LEPR: variants seen among roughly 807,000 people sequenced by gnomAD.
LEPR encodes the protein leptin receptor.
LEPR carries 56 observed loss-of-function variants against 114.7 expected under a neutral mutation model. That is an observed-to-expected ratio of 0.49 (90% CI 0.39 to 0.61). The LOEUF (loss-of-function observed/expected upper bound fraction) is 0.61. Among genes scored for constraint, LEPR ranks in the 20% least tolerant of loss-of-function variants. LEPR has a pLI of 0.00. For synonymous variants in LEPR, 443 were observed against 461.4 expected, an observed-to-expected ratio of 0.96 and a Z score of 0.51; for missense variants, 1,202 against 1,352.9, an observed-to-expected ratio of 0.89 and a Z score of 1.75.
chr1:65,539,489 G>A (rs1651029449), intron 2 of LEPR, among the ~76,000 whole-genome samples: 2 of 152,182 alleles, frequency 1.3e-5, no homozygotes, highest in South Asian at 4.1e-4. Flanking sequence ...TGCCATTTAT[G>A]CTAAAGGCCT....
At chr1:65,627,524 C>T (rs913467887) in intron 19 of LEPR, among the ~76,000 whole-genome samples, 1 of 152,084 alleles carries the variant, frequency 6.6e-6, no homozygotes, top group Non-Finnish European at 1.5e-5. Context: ...AATGGAATAG[C>T]AACTCTTTCG....
chr1:65,572,419 A>G lies in LEPR; in HGVS notation c.464A>G (p.Tyr155Cys). Reference sequence around the variant, plus strand: ...TTATTTAAGAATCTATTCAGGAATTATAACTATAAGGTCCATCTTTTATAT... The same window carrying G: ...TTATTTAAGAATCTATTCAGGAATTGTAACTATAAGGTCCATCTTTTATAT... ...ESLFKNLFRN[Y>C]NYKVHLLYVL... The change falls in exon 5 of 20, where the codon TAT becomes TGT. Residue 155 changes from tyrosine (Y) to cysteine (C), a missense_variant. Coordinates refer to ENST00000349533, the MANE Select transcript of LEPR (RefSeq NM_002303.6). 6.3e-7 allele frequency: 1 copy of G among 1,599,568 alleles called. No individual in the cohort carries two copies. Among genetic ancestry groups the G allele is most frequent in the Non-Finnish European group, 8.5e-7 (1 of 1,171,752 alleles).
intron 2 of LEPR, among the ~76,000 whole-genome samples, chr1:65,495,192 C>T (rs1290666810): frequency 1.3e-5 from 2 of 152,028 alleles, no homozygotes; most frequent in African/African-American, 4.8e-5. Context: ...CCAAAATATA[C>T]AAGGAGCTGA....
chr1:65,592,119 T>G (rs2100894830), intron 5 of LEPR, among the ~76,000 whole-genome samples: 1 of 152,158 alleles, frequency 6.6e-6, no homozygotes, highest in South Asian at 2.1e-4. Context: ...ATGCCATACA[T>G]TTTACTTTTA....
intron 7 of LEPR, among the ~76,000 whole-genome samples, chr1:65,596,858 A>G (rs1462217642): frequency 6.6e-6 from 1 of 151,936 alleles, no homozygotes; most frequent in African/African-American, 2.4e-5. Context: ...TCTTTTTTTT[A>G]ATTGCTCAAT....
chr1:65,639,383 G>A lies in LEPR; in HGVS notation c.*2368G>A, dbSNP rs1053503382. 6.6e-6 allele frequency: 1 copy of A among 152,202 alleles called. No individual in the cohort carries two copies. The highest frequency in any genetic ancestry group is 2.4e-5 in the African/African-American group (1 of 41,456). 9.4% of individuals were successfully genotyped at this position (152,202 alleles called of 1,614,324 possible). ...ATAGTTTGGCCTATTGGTATGTATAGACTTAGATCATATTTATTGTCAATG... is the reference window on the plus strand; with the variant it reads ...ATAGTTTGGCCTATTGGTATGTATAAACTTAGATCATATTTATTGTCAATG... On this transcript the variant is annotated 3_prime_UTR_variant, in exon 20 of 20. Coordinates refer to ENST00000349533, the MANE Select transcript of LEPR (RefSeq NM_002303.6).
intron 2 of LEPR, chr1:65,431,656 G>C: frequency 1.4e-6 from 1 of 735,118 alleles, no homozygotes; most frequent in Non-Finnish European, 2.2e-6. Context: ...TTACTGAACA[G>C]TTCATTGTCT....
At chr1:65,592,886 A>G in intron 6 of LEPR, 21 bp downstream of exon 6, 1 of 1,611,476 alleles carries the variant, frequency 6.2e-7, no homozygotes, top group Non-Finnish European at 8.5e-7. Flanking sequence ...CACTAAAATG[A>G]TGATAATAGG....
intron 2 of LEPR, among the ~76,000 whole-genome samples, chr1:65,516,970 A>G (rs1297731103): frequency 1.3e-5 from 2 of 152,334 alleles, no homozygotes; most frequent in East Asian, 3.9e-4. Flanking sequence ...AAAGAAAGAC[A>G]AAGCTTCATG....
chr1:65,488,159 C>T (rs368422590), intron 2 of LEPR, among the ~76,000 whole-genome samples: 108 of 65,464 alleles, frequency 1.6e-3, no homozygotes, highest in East Asian at 2.4e-3. Context: ...TTCCTTCCTT[C>T]CTTTCTTTCT....
chr1:65,425,195 C>T (rs1162307554), intron 1 of LEPR, 108 bp from the exon 2 acceptor site: 1 of 869,618 alleles, frequency 1.1e-6, no homozygotes, highest in Non-Finnish European at 1.9e-6. Context: ...TACTCATCCG[C>T]CAAAGAAACT....
At chr1:65,603,873 T>C (rs1656629094) in intron 10 of LEPR, among the ~76,000 whole-genome samples, 1 of 152,072 alleles carries the variant, frequency 6.6e-6, no homozygotes, top group Non-Finnish European at 1.5e-5. Flanking sequence ...TTAAATTTTC[T>C]TTTCTGAGAA....
intron 2 of LEPR, among the ~76,000 whole-genome samples, chr1:65,487,131 A>G (rs1344399995): frequency 6.6e-6 from 1 of 152,178 alleles, no homozygotes; most frequent in African/African-American, 2.4e-5. Flanking sequence ...GAATTTTTGG[A>G]AAGTTTGCTC....
intron 2 of LEPR, among the ~76,000 whole-genome samples, chr1:65,518,873 T>TTTTCTTTCTTTC (rs55672943): frequency 0.043 from 4,997 of 117,084 alleles, 144 homozygotes; most frequent in East Asian, 0.14. Context: ...CTTTCTTTCT[T>TTTTCTTTCTTTC]TTTCTTTCTT....
Position 65,616,033 on chromosome 1 carries a change from G to A in LEPR, c.2021G>A (p.Cys674Tyr). 4 of 1,614,084 alleles carry A rather than the reference G, an allele frequency of 2.5e-6. No individual in the cohort carries two copies. Among genetic ancestry groups the A allele is most frequent in the Non-Finnish European group, 3.4e-6 (4 of 1,179,984 alleles). The part of the protein sequence containing the change: ...WKPLMKNDSL[C>Y]SVQRYVINHH... The stretch of plus-strand genomic sequence containing the variant: ...CCCCTGATGAAAAATGACTCATTGT[G>A]CAGTGTTCAGAGATATGTGATAAAC... Residue 674 changes from cysteine to tyrosine, a missense_variant, in exon 15 of 20, where the codon TGC (cysteine) becomes TAC (tyrosine). Physicochemically the swap from Cys to Tyr is radical, Grantham distance 194 (BLOSUM62 -2). Coordinates refer to ENST00000349533, the MANE Select transcript of LEPR (RefSeq NM_002303.6).
chr1:65,445,009 T>C (rs891296551), intron 2 of LEPR, among the ~76,000 whole-genome samples: 9 of 152,186 alleles, frequency 5.9e-5, no homozygotes, highest in Admixed American at 5.2e-4. Context: ...ACTCTACAGA[T>C]GCCAATCTAA....
intron 2 of LEPR, among the ~76,000 whole-genome samples, chr1:65,498,242 T>C (rs1469482204): frequency 6.6e-6 from 1 of 152,130 alleles, no homozygotes; most frequent in African/African-American, 2.4e-5. Flanking sequence ...TAAGGTAGAA[T>C]TTGCTTTAAA....
At chr1:65,446,065 G>T (rs1018914290) in intron 2 of LEPR, among the ~76,000 whole-genome samples, 2 of 152,192 alleles carry the variant, frequency 1.3e-5, no homozygotes, top group African/African-American at 2.4e-5. Flanking sequence ...ATTAGTTGAG[G>T]TGCTGACTGT....
chr1:65,449,980 T>A (rs1165156635), intron 2 of LEPR, among the ~76,000 whole-genome samples: 3 of 152,178 alleles, frequency 2.0e-5, no homozygotes, highest in African/African-American at 7.2e-5. Context: ...TAAAAATAAT[T>A]TTAAATTTCT....
Sources: gnomAD v4.1 joint callset for allele counts (sites outside exome capture counted in the v4.1 genomes callset) on GRCh38, gnomAD v4.1.1 for gene constraint, MANE v1.5 for transcripts, NCBI Gene and HGNC (gene_info 2026-07-23, HGNC 2026-07-21) for gene names.